The following CTNND2 variants were observed in gnomAD, a reference collection of about 807,000 sequenced individuals.
CTNND2 encodes the protein catenin delta-2.
In CTNND2, 22 loss-of-function variants were observed where a neutral mutation model predicts 144.4. The observed-to-expected ratio is 0.15, with a 90% CI of 0.11 to 0.22. CTNND2 has a LOEUF of 0.22. Among genes scored for constraint, CTNND2 ranks in the 10% least tolerant of loss-of-function variants. The probability of loss-of-function intolerance (pLI) is 1.00; values close to 1 mark genes in which losing one functional copy is unlikely to be tolerated. For synonymous variants in CTNND2, 751 were observed against 695.6 expected, an observed-to-expected ratio of 1.08 and a Z score of -1.25; for missense variants, 1,353 against 1,618.8, an observed-to-expected ratio of 0.84 and a Z score of 2.82.
chr5:11,482,595 G>A (rs1768387069), intron 3 of CTNND2, among the ~76,000 whole-genome samples: 1 of 152,128 alleles, frequency 6.6e-6, no homozygotes, highest in South Asian at 2.1e-4. Flanking sequence ...GCACCTCAGA[G>A]AGCAGCGTGC....
Position 11,087,823 on chromosome 5 carries a change from G to C in CTNND2, c.2638-4977C>G, listed in dbSNP as rs557060724. 5.3e-5 allele frequency among the ~76,000 whole-genome samples: 8 copies of C among 152,242 alleles called. No homozygotes were observed. In the East Asian group the frequency reaches 9.6e-4, roughly 18 times the overall value. The stretch of plus-strand genomic sequence containing the variant: ...AAGTTAGGGCAAAGACTGAATTTTA[G>C]CCCATATGTTTATGCAATGCTCAAA... On this transcript the variant is annotated intron_variant, in intron 15 of 21. Coordinates refer to ENST00000304623, the MANE Select transcript of CTNND2 (RefSeq NM_001332.4).
chr5:11,301,175 C>T (rs1305645233), intron 9 of CTNND2, among the ~76,000 whole-genome samples: 1 of 124,776 alleles, frequency 8.0e-6, no homozygotes, highest in Admixed American at 7.8e-5. Flanking sequence ...TGCCACCATG[C>T]CCAGCTAATT....
At chr5:11,183,549 C>CTT (rs368658964) in intron 11 of CTNND2, among the ~76,000 whole-genome samples, 4 of 144,606 alleles carry the variant, frequency 2.8e-5, no homozygotes, top group African/African-American at 1.0e-4. Context: ...AATTTAGTTT[C>CTT]TTTTTTTTTT....
At chr5:11,331,985 A>G (rs1158530113) in intron 9 of CTNND2, among the ~76,000 whole-genome samples, 1 of 152,128 alleles carries the variant, frequency 6.6e-6, no homozygotes, top group African/African-American at 2.4e-5. Flanking sequence ...CTGATTTAAG[A>G]ATAATGTAGG....
At chr5:11,631,551 A>G (rs1781415103) in intron 2 of CTNND2, among the ~76,000 whole-genome samples, 1 of 152,206 alleles carries the variant, frequency 6.6e-6, no homozygotes, top group South Asian at 2.1e-4. Flanking sequence ...TGGTTGGTTC[A>G]AGAAGACAGG....
At chr5:11,063,638 C>A (rs1747236742) in intron 16 of CTNND2, among the ~76,000 whole-genome samples, 1 of 152,092 alleles carries the variant, frequency 6.6e-6, no homozygotes, top group South Asian at 2.1e-4. Flanking sequence ...GATAAATAAT[C>A]TGCTCACATA....
At chr5:11,254,771 A>T (rs905866443) in intron 9 of CTNND2, among the ~76,000 whole-genome samples, 1 of 152,162 alleles carries the variant, frequency 6.6e-6, no homozygotes, top group Non-Finnish European at 1.5e-5. Flanking sequence ...AGACTTGCAA[A>T]TTATAATGCA....
At chr5:11,879,641 C>T (rs982977645) in intron 1 of CTNND2, among the ~76,000 whole-genome samples, 3 of 151,894 alleles carry the variant, frequency 2.0e-5, no homozygotes, top group South Asian at 2.1e-4. Flanking sequence ...ACAAAAATCT[C>T]GTTTCTATTT....
intron 10 of CTNND2, among the ~76,000 whole-genome samples, chr5:11,227,053 C>T (rs754544575): frequency 2.0e-5 from 3 of 152,146 alleles, no homozygotes; most frequent in South Asian, 2.1e-4. Flanking sequence ...TAGCACAGAG[C>T]CACACACCGT....
At chr5:11,071,185 T>C (rs984144709) in intron 16 of CTNND2, among the ~76,000 whole-genome samples, 2 of 152,144 alleles carry the variant, frequency 1.3e-5, no homozygotes, top group Non-Finnish European at 2.9e-5. Flanking sequence ...AAGAGAGACA[T>C]ATCTACTGCA....
intron 20 of CTNND2, 88 bp from the exon 21 acceptor site, chr5:10,981,934 A>G (rs919552189): frequency 1.5e-5 from 17 of 1,146,940 alleles, no homozygotes; most frequent in Admixed American, 1.3e-4. Context: ...TCTTGCCCTA[A>G]CAAAGCTTGT....
intron 9 of CTNND2, among the ~76,000 whole-genome samples, chr5:11,282,246 C>G (rs187870962): frequency 6.6e-6 from 1 of 152,138 alleles, no homozygotes; most frequent in African/African-American, 2.4e-5. Flanking sequence ...TGCTTCTCGT[C>G]TGACATTTCT....
At chr5:11,555,831 G>T (rs1390134823) in intron 3 of CTNND2, among the ~76,000 whole-genome samples, 2 of 152,092 alleles carry the variant, frequency 1.3e-5, no homozygotes, top group Non-Finnish European at 2.9e-5. Context: ...AATTTAAATT[G>T]GAAGAAAACA....
chr5:11,877,922 T>C (rs1346076491), intron 1 of CTNND2, among the ~76,000 whole-genome samples: 1 of 152,164 alleles, frequency 6.6e-6, no homozygotes, highest in Non-Finnish European at 1.5e-5. Flanking sequence ...CCATCTAATA[T>C]ATAAAAATAT....
At chr5:11,780,938 C>T (rs1455611445) in intron 1 of CTNND2, among the ~76,000 whole-genome samples, 1 of 152,156 alleles carries the variant, frequency 6.6e-6, no homozygotes, top group African/African-American at 2.4e-5. Flanking sequence ...TGCCCAGGAC[C>T]ATGGATTTCT....
intron 16 of CTNND2, among the ~76,000 whole-genome samples, chr5:11,026,359 T>C (rs796993134): frequency 3.4e-3 from 503 of 145,966 alleles, no homozygotes; most frequent in Middle Eastern, 0.018. Flanking sequence ...TCTTCTTCTT[T>C]TTTTTTTTTT....
rs1456214530 is a variant in CTNND2, at chr5:11,025,118, TAA to T, written c.2789-2141_2789-2140del. ...TACTAGGCAATTGGAGATTTTTCAT[TAA>T]GTCTATTTATCAGTCTACTATTTAT... On this transcript the variant is annotated intron_variant, in intron 16 of 21. Transcript: ENST00000304623. Among the ~76,000 whole-genome samples the T allele has an allele frequency of 2.6e-5, 4 of 152,348 alleles. No individual in the cohort carries two copies. In the East Asian group the frequency reaches 5.8e-4, roughly 22 times the overall value.
chr5:11,433,666 A>G (rs953098809), intron 3 of CTNND2, among the ~76,000 whole-genome samples: 4 of 152,172 alleles, frequency 2.6e-5, no homozygotes, highest in Admixed American at 1.3e-4. Context: ...CACACTTTTA[A>G]ACAAGCAGAT....
chr5:11,106,989 C>T (rs925714040), intron 14 of CTNND2, among the ~76,000 whole-genome samples: 3 of 152,156 alleles, frequency 2.0e-5, no homozygotes, highest in African/African-American at 4.8e-5. Flanking sequence ...AAGATGAGAG[C>T]CCCATAAAAT....
Sources: allele counts gnomAD v4.1 joint callset (sites outside exome capture counted in the v4.1 genomes callset), GRCh38; gene constraint gnomAD v4.1.1; transcripts MANE v1.5; gene names NCBI Gene and HGNC (gene_info 2026-07-23, HGNC 2026-07-21).